The following PDE4D variants were observed in gnomAD, a reference collection of about 807,000 sequenced individuals.
PDE4D encodes 3',5'-cyclic-AMP phosphodiesterase 4D.
PDE4D carries 24 observed loss-of-function variants against 87.4 expected under a neutral mutation model. The ratio of observed to expected loss-of-function variants is 0.27; its 90% CI spans 0.20 to 0.39. PDE4D has a LOEUF of 0.39. Among genes scored for constraint, PDE4D ranks in the 10% least tolerant of loss-of-function variants. PDE4D has a pLI of 1.00. For missense variants in PDE4D, 714 were observed against 1,041.0 expected (o/e 0.69, Z 4.32); for synonymous variants, 384 against 383.2 (o/e 1.00, Z -0.02).
At chr5:60,379,123 C>T (rs774609242) in intron 1 of PDE4D, among the ~76,000 whole-genome samples, 3 of 151,636 alleles carry the variant, frequency 2.0e-5, no homozygotes, top group Admixed American at 6.6e-5. Context: ...ATAGGCAATG[C>T]TCCCTATTGG....
At chr5:59,642,932 G>A (rs1741846995) in intron 1 of PDE4D, among the ~76,000 whole-genome samples, 1 of 152,056 alleles carries the variant, frequency 6.6e-6, no homozygotes, top group Non-Finnish European at 1.5e-5. Context: ...TACTTAAATA[G>A]TATAAAATAG....
intron 6 of PDE4D, among the ~76,000 whole-genome samples, chr5:59,031,848 C>T (rs146052160): frequency 1.3e-3 from 198 of 150,484 alleles, no homozygotes; most frequent in African/African-American, 4.7e-3. Context: ...CAAATATTGT[C>T]TTTAATAAAT....
At chr5:59,334,117 G>C (rs1250641589) in intron 1 of PDE4D, among the ~76,000 whole-genome samples, 1 of 151,756 alleles carries the variant, frequency 6.6e-6, no homozygotes, top group Non-Finnish European at 1.5e-5. Context: ...ATATCTCTGA[G>C]TGTTTTTAAA....
chr5:59,609,480 C>A (rs888087812), intron 1 of PDE4D, among the ~76,000 whole-genome samples: 1 of 151,606 alleles, frequency 6.6e-6, no homozygotes, highest in African/African-American at 2.4e-5. Context: ...TGAGCAGAAG[C>A]AATACGTGTC....
In PDE4D at chr5:60,197,085, A is replaced by ACAGT. The variant is rs1285633575; in HGVS notation, c.-89-11399_-89-11398insACTG. 4.0e-3 allele frequency among the ~76,000 whole-genome samples: 527 copies of ACAGT among 132,592 alleles called. 4 individuals are homozygous for ACAGT. The highest frequency in any genetic ancestry group is 8.9e-3 in the African/African-American group (290 of 32,658). The allele number at this position is 132,592 out of a possible 152,430, so 87.0% of individuals were successfully genotyped here. A position where few individuals can be genotyped will look rare whatever the true frequency, so the allele number is the denominator to read the frequency against. On this transcript the variant is annotated intron_variant, in intron 1 of 16. Coordinates refer to the PDE4D transcript ENST00000502484. ...GATAGATAGATAGACAGTTAGATAG[A>ACAGT]TAGATAGATAGATAGATAGATAGAT...
chr5:60,353,935 C>T (rs889449094), intron 1 of PDE4D, among the ~76,000 whole-genome samples: 2 of 152,114 alleles, frequency 1.3e-5, no homozygotes, highest in Admixed American at 6.6e-5. Context: ...TTCACGGGAT[C>T]ATATTTAAGC....
intron 1 of PDE4D, among the ~76,000 whole-genome samples, chr5:60,223,000 A>T (rs1236781645): frequency 6.6e-6 from 1 of 152,152 alleles, no homozygotes; most frequent in Non-Finnish European, 1.5e-5. Flanking sequence ...TGAGATGTTA[A>T]AAGTTTTCCT....
At chr5:59,152,524 G>T (rs1400055749) in intron 5 of PDE4D, among the ~76,000 whole-genome samples, 1 of 152,126 alleles carries the variant, frequency 6.6e-6, no homozygotes, top group Non-Finnish European at 1.5e-5. Context: ...CAAAACAGAT[G>T]TTCACATTTC....
chr5:59,966,251 T>C (rs946406705), intron 3 of PDE4D, among the ~76,000 whole-genome samples: 2 of 152,210 alleles, frequency 1.3e-5, no homozygotes, highest in African/African-American at 2.4e-5. Flanking sequence ...TCAAATCCTA[T>C]TATGCTTCAT....
At chr5:59,201,347 C>T (rs1747322207) in intron 2 of PDE4D, among the ~76,000 whole-genome samples, 1 of 151,954 alleles carries the variant, frequency 6.6e-6, no homozygotes, top group African/African-American at 2.4e-5. Flanking sequence ...TTTCAGACAA[C>T]AAAAATTCTG....
At chr5:60,475,962 G>T (rs1251698536) in intron 1 of PDE4D, among the ~76,000 whole-genome samples, 1 of 143,530 alleles carries the variant, frequency 7.0e-6, no homozygotes, top group Non-Finnish European at 1.5e-5. Flanking sequence ...AACTAAATCT[G>T]ATTACATACT....
intron 2 of PDE4D, among the ~76,000 whole-genome samples, chr5:60,049,689 G>GTCAGGGT (rs1308271319): frequency 8.5e-5 from 13 of 152,216 alleles, no homozygotes; most frequent in Non-Finnish European, 1.6e-4. Flanking sequence ...GGGGTCAGGG[G>GTCAGGGT]TCAGGGACCC....
chr5:59,006,267 G>GA (rs953988667), intron 6 of PDE4D, among the ~76,000 whole-genome samples: 23 of 152,278 alleles, frequency 1.5e-4, no homozygotes, highest in African/African-American at 5.5e-4. Flanking sequence ...TGTTGAAATA[G>GA]AAAAAATAGT....
intron 1 of PDE4D, among the ~76,000 whole-genome samples, chr5:59,509,522 A>G (rs1315646568): frequency 1.3e-5 from 2 of 151,590 alleles, no homozygotes; most frequent in Non-Finnish European, 3.0e-5. Flanking sequence ...GATAATGTCT[A>G]CAATGTAATA....
At chr5:59,763,376 GTAT>G (rs1409197251) in intron 1 of PDE4D, among the ~76,000 whole-genome samples, 2 of 151,640 alleles carry the variant, frequency 1.3e-5, no homozygotes, top group Non-Finnish European at 2.9e-5. Context: ...ATATAGATGT[GTAT>G]TATAAAAATA....
intron 5 of PDE4D, among the ~76,000 whole-genome samples, chr5:59,062,368 A>G (rs957916765): frequency 2.0e-5 from 3 of 152,102 alleles, no homozygotes; most frequent in African/African-American, 7.2e-5. Context: ...ACTTTTTTCC[A>G]TCAGACATCT....
At chr5:59,329,524 T>C (rs1286770833) in intron 1 of PDE4D, among the ~76,000 whole-genome samples, 3 of 152,196 alleles carry the variant, frequency 2.0e-5, no homozygotes, top group African/African-American at 7.2e-5. Flanking sequence ...TAAGAGAATA[T>C]GCTAAACATA....
At chr5:59,619,473 A>G (rs1830096854) in intron 1 of PDE4D, among the ~76,000 whole-genome samples, 1 of 152,222 alleles carries the variant, frequency 6.6e-6, no homozygotes, top group Admixed American at 6.5e-5. Flanking sequence ...CCTGGGCCCC[A>G]ATCCCTAGTA....
intron 1 of PDE4D, among the ~76,000 whole-genome samples, chr5:59,765,561 G>A (rs1186774425): frequency 1.3e-5 from 2 of 152,180 alleles, no homozygotes; most frequent in Non-Finnish European, 2.9e-5. Context: ...AGAAGAAAAC[G>A]AGTATAAGTG....
Sources: gnomAD v4.1 joint callset for allele counts (sites outside exome capture counted in the v4.1 genomes callset) on GRCh38, gnomAD v4.1.1 for gene constraint, MANE v1.5 for transcripts, NCBI Gene and HGNC (gene_info 2026-07-23, HGNC 2026-07-21) for gene names.